CTNNA3: variants seen among roughly 807,000 people sequenced by gnomAD.
CTNNA3 encodes the protein catenin alpha 3.
Under a neutral mutation model 95.7 loss-of-function variants are expected in CTNNA3, and 76 were observed. The ratio of observed to expected loss-of-function variants is 0.79; its 90% CI spans 0.66 to 0.96. The LOEUF (loss-of-function observed/expected upper bound fraction) is 0.96. CTNNA3 is among the 40% of genes least tolerant of loss of function. The probability of loss-of-function intolerance (pLI) is 0.00; values close to 1 mark genes in which losing one functional copy is unlikely to be tolerated. For synonymous variants in CTNNA3, 431 were observed against 374.4 expected, an observed-to-expected ratio of 1.15 and a Z score of -1.74; for missense variants, 1,191 against 1,089.8, an observed-to-expected ratio of 1.09 and a Z score of -1.31.
intron 12 of CTNNA3, among the ~76,000 whole-genome samples, chr10:66,290,506 T>C (rs1438540157): frequency 6.6e-6 from 1 of 152,118 alleles, no homozygotes; most frequent in Non-Finnish European, 1.5e-5. Flanking sequence ...CAATGCTGTA[T>C]ACTAAGAGGA....
chr10:66,369,802 T>A (rs2092739644), intron 12 of CTNNA3, among the ~76,000 whole-genome samples: 1 of 152,148 alleles, frequency 6.6e-6, no homozygotes, highest in Non-Finnish European at 1.5e-5. Flanking sequence ...ATACCTTATT[T>A]CGGCAACAGC....
At chr10:66,055,551 T>G (rs1178471997) in intron 15 of CTNNA3, among the ~76,000 whole-genome samples, 1 of 152,240 alleles carries the variant, frequency 6.6e-6, no homozygotes, top group East Asian at 1.9e-4. Flanking sequence ...TACTGGTTTT[T>G]ATACATTAAT....
At chr10:66,591,016 G>T (rs1843531462) in intron 10 of CTNNA3, among the ~76,000 whole-genome samples, 1 of 152,058 alleles carries the variant, frequency 6.6e-6, no homozygotes, top group Non-Finnish European at 1.5e-5. Context: ...TTATTTTCCT[G>T]TCTTCTCTTA....
intron 7 of CTNNA3, among the ~76,000 whole-genome samples, chr10:66,787,645 C>G (rs1267929007): frequency 6.6e-6 from 1 of 152,086 alleles, no homozygotes; most frequent in African/African-American, 2.4e-5. Flanking sequence ...GGAGGAGGGG[C>G]AAGTGACAAG....
intron 9 of CTNNA3, among the ~76,000 whole-genome samples, chr10:66,718,346 C>T (rs1848519739): frequency 6.6e-6 from 1 of 152,126 alleles, no homozygotes; most frequent in African/African-American, 2.4e-5. Flanking sequence ...CCACTGCTTG[C>T]GTCCTCTTCC....
intron 15 of CTNNA3, among the ~76,000 whole-genome samples, chr10:66,067,077 C>T (rs1488334109): frequency 6.6e-6 from 1 of 151,976 alleles, no homozygotes. Context: ...TTTCTGTTCT[C>T]CTGTTGCTCA....
At chr10:66,240,855 A>G (rs535788450) in intron 13 of CTNNA3, among the ~76,000 whole-genome samples, 1 of 152,212 alleles carries the variant, frequency 6.6e-6, no homozygotes, top group African/African-American at 2.4e-5. Context: ...TTTTTAAGTA[A>G]TGGAAAAACA....
chr10:67,074,375 G>A (rs1487363982), intron 7 of CTNNA3, among the ~76,000 whole-genome samples: 2 of 113,060 alleles, frequency 1.8e-5, no homozygotes, highest in Admixed American at 2.1e-4. Flanking sequence ...TTTTGAGACG[G>A]AGTCTCGCTC....
At chr10:66,270,081 T>A (rs987140981) in intron 13 of CTNNA3, among the ~76,000 whole-genome samples, 2 of 152,188 alleles carry the variant, frequency 1.3e-5, no homozygotes, top group East Asian at 3.8e-4. Context: ...TGTCCTTAAT[T>A]TTTGTAGTAT....
intron 14 of CTNNA3, among the ~76,000 whole-genome samples, chr10:66,094,973 TG>T (rs1343063554): frequency 1.3e-5 from 2 of 152,072 alleles, no homozygotes; most frequent in Non-Finnish European, 2.9e-5. Flanking sequence ...TGTACAGAGG[TG>T]CCTTAAGGAA....
chr10:67,658,958 G>A (rs1401366774), intron 1 of CTNNA3, among the ~76,000 whole-genome samples: 1 of 151,916 alleles, frequency 6.6e-6, no homozygotes, highest in Admixed American at 6.6e-5. Flanking sequence ...ATCAAATTGA[G>A]CCTCCCCCAA....
At chr10:66,202,974 G>T (rs1045668526) in intron 13 of CTNNA3, among the ~76,000 whole-genome samples, 2 of 152,140 alleles carry the variant, frequency 1.3e-5, no homozygotes, top group Non-Finnish European at 2.9e-5. Flanking sequence ...CACACTGTAT[G>T]GACTAGAAAT....
intron 17 of CTNNA3, among the ~76,000 whole-genome samples, chr10:65,938,426 G>A (rs1462192829): frequency 6.6e-6 from 1 of 152,118 alleles, no homozygotes; most frequent in Non-Finnish European, 1.5e-5. Flanking sequence ...AATGACTCAT[G>A]TCAAGAATCA....
intron 1 of CTNNA3, among the ~76,000 whole-genome samples, chr10:67,727,369 T>C (rs906798028): frequency 7.5e-6 from 1 of 132,662 alleles, no homozygotes; most frequent in African/African-American, 2.7e-5. Flanking sequence ...CATATATGTA[T>C]ATATGTATGT....
chr10:67,038,663 G>C (rs1486666334), intron 7 of CTNNA3, among the ~76,000 whole-genome samples: 5 of 152,136 alleles, frequency 3.3e-5, no homozygotes, highest in African/African-American at 9.6e-5. Context: ...ACCAAGAATT[G>C]CTTACAAAAT....
At chr10:66,590,783 T>C (rs1241768968) in intron 10 of CTNNA3, among the ~76,000 whole-genome samples, 1 of 151,944 alleles carries the variant, frequency 6.6e-6, no homozygotes, top group Non-Finnish European at 1.5e-5. Context: ...ATTAGAAAAA[T>C]TATAATTATA....
chr10:67,560,853 A>T (rs1430623745), intron 3 of CTNNA3, among the ~76,000 whole-genome samples: 2 of 152,094 alleles, frequency 1.3e-5, no homozygotes, highest in African/African-American at 2.4e-5. Context: ...CTCTAATAAA[A>T]CAGACTTTAA....
chr10:67,368,601 G>A (rs1402191876), intron 5 of CTNNA3, among the ~76,000 whole-genome samples: 1 of 152,048 alleles, frequency 6.6e-6, no homozygotes, highest in East Asian at 1.9e-4. Context: ...GCCTAAAACT[G>A]GAAACAACCC....
intron 3 of CTNNA3, among the ~76,000 whole-genome samples, chr10:67,577,548 A>G (rs1006174837): frequency 2.8e-4 from 43 of 151,860 alleles, no homozygotes; most frequent in African/African-American, 9.7e-4. Flanking sequence ...CCATTTGTCA[A>G]TTTTGGCTTT....
Sources: allele counts gnomAD v4.1 joint callset (sites outside exome capture counted in the v4.1 genomes callset), GRCh38; gene constraint gnomAD v4.1.1; transcripts MANE v1.5; gene names NCBI Gene and HGNC (gene_info 2026-07-23, HGNC 2026-07-21).